FSTL5: variants seen among roughly 807,000 people sequenced by gnomAD.
FSTL5 encodes follistatin like 5, also known as follistatin-related protein 5.
FSTL5 carries 62 observed loss-of-function variants against 89.1 expected under a neutral mutation model. The ratio of observed to expected loss-of-function variants is 0.70; its 90% CI spans 0.57 to 0.86. The LOEUF is 0.86. FSTL5 is among the 40% of genes least tolerant of loss of function. The probability of loss-of-function intolerance (pLI) is 0.00; values close to 1 mark genes in which losing one functional copy is unlikely to be tolerated. For missense variants in FSTL5, 1,057 were observed against 1,001.6 expected (o/e 1.06, Z -0.75); for synonymous variants, 383 against 346.2 (o/e 1.11, Z -1.18).
chr4:161,662,071 T>G (rs1736734643), intron 6 of FSTL5, among the ~76,000 whole-genome samples: 1 of 152,112 alleles, frequency 6.6e-6, no homozygotes, highest in Non-Finnish European at 1.5e-5. Flanking sequence ...TGGCTTATTG[T>G]TTTCCAGGCA....
chr4:162,047,043 ATACTC>A (rs1184854305), intron 2 of FSTL5, among the ~76,000 whole-genome samples: 3 of 152,152 alleles, frequency 2.0e-5, no homozygotes, highest in East Asian at 1.9e-4. Flanking sequence ...AAAAATAACT[ATACTC>A]TATGATATAG....
At chr4:161,760,521 A>T (rs1467593742) in intron 5 of FSTL5, among the ~76,000 whole-genome samples, 1 of 152,188 alleles carries the variant, frequency 6.6e-6, no homozygotes, top group Non-Finnish European at 1.5e-5. Context: ...TTTCTGGCAA[A>T]TCATTTACAC....
chr4:161,885,718 G>C (rs183008502), intron 4 of FSTL5, among the ~76,000 whole-genome samples: 238 of 152,258 alleles, frequency 1.6e-3, no homozygotes, highest in African/African-American at 5.6e-3. Context: ...CAAAGTGCTG[G>C]GATTATAGGC....
chr4:161,468,027 T>C (rs1733805175), intron 13 of FSTL5, among the ~76,000 whole-genome samples: 2 of 152,110 alleles, frequency 1.3e-5, no homozygotes, highest in African/African-American at 4.8e-5. Context: ...TCACTAAATT[T>C]CTATAGAATA....
intron 3 of FSTL5, among the ~76,000 whole-genome samples, chr4:161,972,373 C>G (rs1173504251): frequency 6.6e-6 from 1 of 152,144 alleles, no homozygotes; most frequent in Non-Finnish European, 1.5e-5. Context: ...CACACCGCCC[C>G]GACATGATTC....
At chr4:161,481,854 C>A (rs1191338514) in intron 12 of FSTL5, among the ~76,000 whole-genome samples, 1 of 152,104 alleles carries the variant, frequency 6.6e-6, no homozygotes, top group Non-Finnish European at 1.5e-5. Flanking sequence ...TTCCTCTTTT[C>A]CTTCATATTG....
intron 4 of FSTL5, among the ~76,000 whole-genome samples, chr4:161,903,572 T>TA (rs1317419475): frequency 6.6e-6 from 1 of 152,034 alleles, no homozygotes; most frequent in African/African-American, 2.4e-5. Context: ...ATAAATTTTT[T>TA]ATGTTTAAAA....
At chr4:162,057,665 CG>C (rs1324741312) in intron 2 of FSTL5, among the ~76,000 whole-genome samples, 2 of 152,044 alleles carry the variant, frequency 1.3e-5, no homozygotes, top group Non-Finnish European at 2.9e-5. Flanking sequence ...ATATTTCACC[CG>C]GGTGTGGTGG....
chr4:161,480,906 A>T, intron 13 of FSTL5, 114 bp downstream of exon 13: 1 of 682,650 alleles, frequency 1.5e-6, no homozygotes, highest in Non-Finnish European at 2.4e-6. Context: ...TTTTCTAGTT[A>T]TCCAAGTAAG....
chr4:161,599,746 T>C (rs947016091), intron 7 of FSTL5, among the ~76,000 whole-genome samples: 1 of 152,098 alleles, frequency 6.6e-6, no homozygotes, highest in African/African-American at 2.4e-5. Context: ...TTCTGTAAAA[T>C]TTGCAAATAT....
At chr4:161,894,751 C>T (rs1412730604) in intron 4 of FSTL5, among the ~76,000 whole-genome samples, 1 of 152,248 alleles carries the variant, frequency 6.6e-6, no homozygotes, top group East Asian at 1.9e-4. Context: ...AGGCATGAGC[C>T]GTCATGCCCG....
chr4:161,568,014 T>C (rs1273757509), intron 8 of FSTL5, among the ~76,000 whole-genome samples: 1 of 151,810 alleles, frequency 6.6e-6, no homozygotes, highest in African/African-American at 2.4e-5. Context: ...AGAGGATGCA[T>C]TCTATTCTGC....
intron 15 of FSTL5, among the ~76,000 whole-genome samples, chr4:161,404,318 A>T (rs1731283626): frequency 6.6e-6 from 1 of 152,186 alleles, no homozygotes; most frequent in Admixed American, 6.5e-5. Context: ...TTCTCAGGAG[A>T]GGATTATTTC....
At chr4:161,766,937 TAGA>T (rs1488722555) in intron 5 of FSTL5, among the ~76,000 whole-genome samples, 1 of 152,046 alleles carries the variant, frequency 6.6e-6, no homozygotes, top group Non-Finnish European at 1.5e-5. Flanking sequence ...GATAGATAGA[TAGA>T]TAGATAGATA....
At chr4:161,993,178 T>C (rs969595647) in intron 3 of FSTL5, among the ~76,000 whole-genome samples, 10 of 151,592 alleles carry the variant, frequency 6.6e-5, no homozygotes, top group Non-Finnish European at 8.8e-5. Flanking sequence ...AATTCAGGGA[T>C]ATGGTTGTAT....
chr4:161,620,986 G>T (rs1200336684), intron 7 of FSTL5, among the ~76,000 whole-genome samples: 1 of 151,642 alleles, frequency 6.6e-6, no homozygotes, highest in Non-Finnish European at 1.5e-5. Flanking sequence ...AAGTAATAGA[G>T]GAAAAGAAAA....
rs1252834950 is a variant in FSTL5, at chr4:161,809,062, C to CA, written c.410-32989dup. Among the ~76,000 whole-genome samples the CA allele has an allele frequency of 4.0e-5, 6 of 151,886 alleles. No homozygotes were observed. The East Asian group carries it at 9.7e-4, about 25-fold the overall frequency. On this transcript the variant is annotated intron_variant, in intron 4 of 15. Transcript: ENST00000306100. The stretch of plus-strand genomic sequence containing the variant: ...TGAAACCCCGTTTCTACGAAAAATA[C>CA]AAAAAAATTAGCCAGGCTTGGTGGC...
chr4:161,762,910 A>G (rs1740856917), intron 5 of FSTL5, among the ~76,000 whole-genome samples: 1 of 152,162 alleles, frequency 6.6e-6, no homozygotes, highest in Non-Finnish European at 1.5e-5. Flanking sequence ...AATGGATGGC[A>G]TCAGGGGAGT....
intron 4 of FSTL5, among the ~76,000 whole-genome samples, chr4:161,810,465 G>C (rs1282503835): frequency 1.3e-5 from 2 of 152,098 alleles, no homozygotes; most frequent in Non-Finnish European, 2.9e-5. Context: ...AGCCGAGAAG[G>C]GTGTAGAAAT....
Sources: allele counts gnomAD v4.1 joint callset (sites outside exome capture counted in the v4.1 genomes callset), GRCh38; gene constraint gnomAD v4.1.1; transcripts MANE v1.5; gene names NCBI Gene and HGNC (gene_info 2026-07-23, HGNC 2026-07-21).